DMD: variants seen among roughly 807,000 people sequenced by gnomAD.
The protein encoded by DMD is dystrophin, also known as mutant dystrophin.
A neutral mutation model predicts 330.1 loss-of-function variants in DMD; 63 were observed. The ratio of observed to expected loss-of-function variants is 0.19; its 90% CI spans 0.16 to 0.24. The LOEUF is 0.24. DMD is among the 10% of genes least tolerant of loss of function. The pLI, the probability that DMD is intolerant of heterozygous loss-of-function variation, is 1.00. For synonymous variants in DMD, 1,223 were observed against 959.8 expected, an observed-to-expected ratio of 1.27 and a Z score of -5.07; for missense variants, 3,344 against 2,684.1, an observed-to-expected ratio of 1.25 and a Z score of -5.43.
chrX:32,182,100 G>T (rs2096929078), intron 44 of DMD, among the ~76,000 whole-genome samples: 1 of 111,927 alleles, frequency 8.9e-6, no homozygotes, highest in Non-Finnish European at 1.9e-5. Flanking sequence ...GACATATGAA[G>T]TGGTGGTTTG....
intron 12 of DMD, among the ~76,000 whole-genome samples, chrX:32,597,910 G>A (rs1443355717): frequency 8.9e-6 from 1 of 112,107 alleles, no homozygotes; most frequent in African/African-American, 3.2e-5. Context: ...CATAACACAA[G>A]AGTGGAGAAA....
chrX:32,465,590 T>G (rs757230600), intron 23 of DMD, among the ~76,000 whole-genome samples: 30 of 96,137 alleles, frequency 3.1e-4, no homozygotes, highest in African/African-American at 5.3e-4. Flanking sequence ...TTGTTTTTTT[T>G]TTTTTTTTTT....
chrX:32,493,077 G>C (rs2043157469), intron 19 of DMD, among the ~76,000 whole-genome samples: 1 of 111,551 alleles, frequency 9.0e-6, no homozygotes, highest in Non-Finnish European at 1.9e-5. Context: ...AGAAACATAA[G>C]GCCTGTGGTT....
intron 7 of DMD, among the ~76,000 whole-genome samples, chrX:32,740,125 G>A (rs184506450): frequency 6.3e-4 from 68 of 108,637 alleles, no homozygotes; most frequent in African/African-American, 2.2e-3. Flanking sequence ...ACGGGTTATC[G>A]TGTGCTTTCA....
At chrX:31,974,165 G>A (rs2095419603) in intron 44 of DMD, among the ~76,000 whole-genome samples, 1 of 111,835 alleles carries the variant, frequency 8.9e-6, no homozygotes, top group African/African-American at 3.2e-5. Context: ...GCAGGAACAG[G>A]AAAAACAAAC....
rs775782303 is a variant in DMD at position 32,772,040 on chromosome X, GAAGA to G, written c.649+37449_649+37452del. Among the ~76,000 whole-genome samples the G allele has an allele frequency of 4.0e-3, 449 of 112,339 alleles. 3 individuals are homozygous for G. Among genetic ancestry groups the G allele is most frequent in the Non-Finnish European group, 6.6e-3 (349 of 53,216 alleles). ...GGAAACACCTGAAACCGGTACAGAAGAAGATAGAACTAGAAGAATGGGCTGTCAA... is the reference window on the plus strand; with the variant it reads ...GGAAACACCTGAAACCGGTACAGAAGTAGAACTAGAAGAATGGGCTGTCAA... On this transcript the variant is annotated intron_variant, in intron 7 of 78. Coordinates refer to ENST00000357033, the MANE Select transcript of DMD (RefSeq NM_004006.3).
chrX:31,651,934 A>T (rs2080477196), intron 54 of DMD, among the ~76,000 whole-genome samples: 1 of 111,443 alleles, frequency 9.0e-6, no homozygotes, highest in Non-Finnish European at 1.9e-5. Context: ...AAAACCCTCC[A>T]ATAACTCCCA....
At chrX:31,849,550 G>A (rs1164539224) in intron 48 of DMD, among the ~76,000 whole-genome samples, 4 of 110,547 alleles carry the variant, frequency 3.6e-5, no homozygotes, top group Non-Finnish European at 3.8e-5. Flanking sequence ...GAAGTACGGA[G>A]CTATCACGTA....
At chrX:32,424,068 C>A (rs1395949924) in intron 29 of DMD, among the ~76,000 whole-genome samples, 1 of 110,484 alleles carries the variant, frequency 9.1e-6, no homozygotes, top group Non-Finnish European at 1.9e-5. Flanking sequence ...GGTTTCTTCC[C>A]CTCAAAATGT....
At chrX:31,269,660 T>C (rs1405247075) in intron 62 of DMD, among the ~76,000 whole-genome samples, 1 of 111,869 alleles carries the variant, frequency 8.9e-6, no homozygotes, top group East Asian at 2.8e-4. Flanking sequence ...GAAGAGTAAA[T>C]TTGCTAGAAA....
chrX:32,165,970 C>T (rs746939747), intron 44 of DMD, among the ~76,000 whole-genome samples: 87 of 110,987 alleles, frequency 7.8e-4, no homozygotes, highest in Non-Finnish European at 1.4e-3. Flanking sequence ...CATTTTCTGC[C>T]ATGATTTTAA....
chrX:32,442,753 G>C (rs1231560759), intron 27 of DMD, among the ~76,000 whole-genome samples: 1 of 110,591 alleles, frequency 9.0e-6, no homozygotes, highest in Non-Finnish European at 1.9e-5. Context: ...AATGTCCACT[G>C]CAAGGAGAAT....
At chrX:32,731,896 A>G (rs927764823) in intron 7 of DMD, among the ~76,000 whole-genome samples, 2 of 112,432 alleles carry the variant, frequency 1.8e-5, no homozygotes, top group Non-Finnish European at 3.8e-5. Context: ...CTAGCAACGG[A>G]ACAAAGCTGG....
chrX:32,736,862 C>T (rs1385146909), intron 7 of DMD, among the ~76,000 whole-genome samples: 2 of 109,501 alleles, frequency 1.8e-5, no homozygotes, highest in Non-Finnish European at 3.8e-5. Flanking sequence ...CACATGTATA[C>T]GTATGTAACT....
At chrX:32,320,291 T>C (rs1329616839) in intron 41 of DMD, among the ~76,000 whole-genome samples, 1 of 111,752 alleles carries the variant, frequency 8.9e-6, no homozygotes, top group Non-Finnish European at 1.9e-5. Context: ...GTCATAATTA[T>C]GTTTTTCAAG....
Position 32,072,845 on chromosome X carries a change from C to T in DMD, c.6439-104331G>A, listed in dbSNP as rs923306903. ...AACATCTAGTTTTATTTTCTTAATG[C>T]TTTGTCATTTTGTTAGTATTTTCTT... is the stretch of plus-strand genomic sequence containing the variant. On this transcript the variant is annotated intron_variant, in intron 44 of 78. Coordinates refer to ENST00000357033, the MANE Select transcript of DMD (RefSeq NM_004006.3). Among the ~76,000 whole-genome samples the T allele has an allele frequency of 4.5e-5, 5 of 111,528 alleles. No individual in the cohort carries two copies. The South Asian group carries it at 1.9e-3, about 41-fold the overall frequency.
At chrX:32,679,177 G>A (rs1292595092) in intron 9 of DMD, among the ~76,000 whole-genome samples, 1 of 112,088 alleles carries the variant, frequency 8.9e-6, no homozygotes, top group Non-Finnish European at 1.9e-5. Context: ...TTATAGTTGA[G>A]CCTTTTGTAT....
chrX:32,437,962 A>G (rs1408451116), intron 29 of DMD, among the ~76,000 whole-genome samples: 1 of 112,157 alleles, frequency 8.9e-6, no homozygotes, highest in African/African-American at 3.2e-5. Flanking sequence ...ATACCCACAC[A>G]TACTGGTCTA....
At chrX:32,156,279 C>A (rs1257142593) in intron 44 of DMD, among the ~76,000 whole-genome samples, 4 of 111,679 alleles carry the variant, frequency 3.6e-5, no homozygotes, top group African/African-American at 1.3e-4. Context: ...ACTCGGGAGG[C>A]TGAGGTAGGA....
Sources: allele counts gnomAD v4.1 joint callset (sites outside exome capture counted in the v4.1 genomes callset), GRCh38; gene constraint gnomAD v4.1.1; transcripts MANE v1.5; gene names NCBI Gene and HGNC (gene_info 2026-07-23, HGNC 2026-07-21).